The following KCNH5 variants were observed in gnomAD, a reference collection of about 807,000 sequenced individuals.
The protein encoded by KCNH5 is potassium voltage-gated channel subfamily H member 5.
Under a neutral mutation model 96.1 loss-of-function variants are expected in KCNH5, and 46 were observed. That is an observed-to-expected ratio of 0.48 (90% CI 0.38 to 0.61). The LOEUF is 0.61. KCNH5 is among the 20% of genes least tolerant of loss of function. The probability of loss-of-function intolerance (pLI) is 0.00; values close to 1 mark genes in which losing one functional copy is unlikely to be tolerated. For synonymous variants in KCNH5, 439 were observed against 449.8 expected (o/e 0.98, Z 0.30); for missense variants, 907 against 1,225.8 (o/e 0.74, Z 3.88).
intron 8 of KCNH5, among the ~76,000 whole-genome samples, chr14:62,828,684 G>T (rs2140025145): frequency 6.6e-6 from 1 of 152,184 alleles, no homozygotes; most frequent in African/African-American, 2.4e-5. Context: ...TATAACATGT[G>T]GGGATTACAA....
In KCNH5 at chr14:62,725,565, T is replaced by C. The variant is rs572939212; in HGVS notation, c.2020-17110A>G. 3.3e-5 allele frequency among the ~76,000 whole-genome samples: 5 copies of C among 152,250 alleles called. No individual in the cohort carries two copies. In the South Asian group the frequency reaches 6.2e-4, roughly 19 times the overall value. ...GGAAAGTATGAGAGTTCACAGTCAA[T>C]TGATGATATCAGAGTGGAAGGAGGG... On this transcript the variant is annotated intron_variant, in intron 10 of 10. Transcript: ENST00000322893.
chr14:62,911,979 A>T (rs981390120), intron 7 of KCNH5, among the ~76,000 whole-genome samples: 10 of 148,882 alleles, frequency 6.7e-5, no homozygotes, highest in African/African-American at 2.5e-4. Flanking sequence ...CGGATGTTGC[A>T]GTGAGCCGAG....
At chr14:62,750,331 G>A (rs1885470870) in intron 10 of KCNH5, among the ~76,000 whole-genome samples, 1 of 152,190 alleles carries the variant, frequency 6.6e-6, no homozygotes, top group Non-Finnish European at 1.5e-5. Flanking sequence ...CTACTTAACT[G>A]TTTTCCACTG....
intron 6 of KCNH5, among the ~76,000 whole-genome samples, chr14:62,963,058 A>G (rs1890242464): frequency 6.6e-6 from 1 of 152,106 alleles, no homozygotes; most frequent in South Asian, 2.1e-4. Context: ...CATTCACCCT[A>G]CTTCATCTCA....
intron 5 of KCNH5, among the ~76,000 whole-genome samples, 159 bp downstream of exon 5, chr14:62,986,913 T>A (rs998015129): frequency 6.6e-6 from 1 of 152,196 alleles, no homozygotes; most frequent in African/African-American, 2.4e-5. Context: ...AGAGAATGAA[T>A]AGAAATATTT....
At chr14:62,816,004 G>C (rs1044260394) in intron 8 of KCNH5, among the ~76,000 whole-genome samples, 11 of 151,748 alleles carry the variant, frequency 7.2e-5, no homozygotes, top group African/African-American at 2.7e-4. Flanking sequence ...GAATTTGAGA[G>C]TTGATGATAT....
chr14:62,807,396 A>T (rs1218988131), intron 8 of KCNH5, among the ~76,000 whole-genome samples: 3 of 152,160 alleles, frequency 2.0e-5, no homozygotes, highest in Admixed American at 6.6e-5. Context: ...AAAAATAAGC[A>T]CTTCAATATT....
chr14:62,989,960 G>T (rs1193696098), intron 4 of KCNH5, among the ~76,000 whole-genome samples: 1 of 151,896 alleles, frequency 6.6e-6, no homozygotes, highest in Non-Finnish European at 1.5e-5. Flanking sequence ...TCAATAGAAT[G>T]TTATAATTGC....
intron 7 of KCNH5, among the ~76,000 whole-genome samples, chr14:62,853,079 C>A (rs1251310599): frequency 6.6e-6 from 1 of 152,160 alleles, no homozygotes; most frequent in African/African-American, 2.4e-5. Flanking sequence ...CAAAGCCATA[C>A]CTAGTTGCTC....
At chr14:62,981,819 A>C (rs1304751917) in intron 5 of KCNH5, among the ~76,000 whole-genome samples, 1 of 152,204 alleles carries the variant, frequency 6.6e-6, no homozygotes, top group Non-Finnish European at 1.5e-5. Flanking sequence ...TCTGGACTTA[A>C]AGAATATTGT....
At chr14:62,882,984 T>C (rs116279808) in intron 7 of KCNH5, among the ~76,000 whole-genome samples, 61 of 152,350 alleles carry the variant, frequency 4.0e-4, no homozygotes, top group African/African-American at 1.4e-3. Context: ...GTTTTATCAA[T>C]AGCTTGCAAT....
chr14:62,771,069 G>A (rs922617331), intron 10 of KCNH5, among the ~76,000 whole-genome samples: 1 of 152,134 alleles, frequency 6.6e-6, no homozygotes, highest in African/African-American at 2.4e-5. Context: ...GCACTGCAGG[G>A]ATGCCATGTG....
intron 6 of KCNH5, among the ~76,000 whole-genome samples, chr14:62,966,229 T>C (rs148342172): frequency 9.2e-5 from 14 of 152,304 alleles, no homozygotes; most frequent in Non-Finnish European, 1.9e-4. Context: ...GTATCTGCAA[T>C]ACTGATCAAC....
chr14:62,716,150 T>C (rs1369784045), intron 10 of KCNH5, among the ~76,000 whole-genome samples: 4 of 152,192 alleles, frequency 2.6e-5, no homozygotes, highest in African/African-American at 9.7e-5. Context: ...AATACCTATG[T>C]TTTTATTTGT....
chr14:62,815,868 T>TATACACACACA (rs1886967070), intron 8 of KCNH5, among the ~76,000 whole-genome samples: 1 of 151,796 alleles, frequency 6.6e-6, no homozygotes, highest in African/African-American at 2.4e-5. Flanking sequence ...ATTTAAGACA[T>TATACACACACA]ATACACACAC....
At chr14:62,842,859 C>A (rs1416725273) in intron 8 of KCNH5, among the ~76,000 whole-genome samples, 1 of 152,062 alleles carries the variant, frequency 6.6e-6, no homozygotes, top group Non-Finnish European at 1.5e-5. Flanking sequence ...TACTATAATT[C>A]TTTTTATATA....
chr14:62,863,896 TG>T (rs1888084088), intron 7 of KCNH5, among the ~76,000 whole-genome samples: 1 of 152,144 alleles, frequency 6.6e-6, no homozygotes, highest in Non-Finnish European at 1.5e-5. Context: ...TGTATCTGAA[TG>T]TGAGGGTGAA....
At chr14:62,780,760 C>T (rs1212554279) in intron 9 of KCNH5, among the ~76,000 whole-genome samples, 2 of 152,102 alleles carry the variant, frequency 1.3e-5, no homozygotes, top group African/African-American at 2.4e-5. Context: ...GGTTAAAGGT[C>T]CCAAAAGGCC....
chr14:62,832,636 A>G (rs951217338), intron 8 of KCNH5, among the ~76,000 whole-genome samples: 1 of 152,176 alleles, frequency 6.6e-6, no homozygotes, highest in Non-Finnish European at 1.5e-5. Context: ...TGGGATTGTT[A>G]GATCATATAG....
Sources: allele counts gnomAD v4.1 joint callset (sites outside exome capture counted in the v4.1 genomes callset), GRCh38; gene constraint gnomAD v4.1.1; transcripts MANE v1.5; gene names NCBI Gene and HGNC (gene_info 2026-07-23, HGNC 2026-07-21).